Variants in RPTOR observed in about 807,000 individuals in gnomAD.
RPTOR encodes the protein regulatory-associated protein of mTOR.
RPTOR carries 21 observed loss-of-function variants against 169.9 expected under a neutral mutation model. That is an observed-to-expected ratio of 0.12 (90% CI 0.09 to 0.18). The LOEUF (loss-of-function observed/expected upper bound fraction) is 0.18, where lower values mean the gene tolerates loss of function less well. RPTOR is among the 10% of genes least tolerant of loss of function. The probability of loss-of-function intolerance (pLI) is 1.00; values close to 1 mark genes in which losing one functional copy is unlikely to be tolerated. For missense variants in RPTOR, 1,133 were observed against 1,855.9 expected (o/e 0.61, Z 7.16); for synonymous variants, 732 against 753.2 (o/e 0.97, Z 0.46).
intron 30 of RPTOR, 84 bp from the exon 31 acceptor site, chr17:80,961,310 C>A: frequency 7.5e-7 from 1 of 1,336,546 alleles, no homozygotes; most frequent in Admixed American, 2.2e-5. Flanking sequence ...CACAGGCAGA[C>A]CTGGGCAGCT....
chr17:80,586,863 GTGTGATAGC>G (rs61527629), intron 1 of RPTOR, among the ~76,000 whole-genome samples: 28,549 of 152,128 alleles, frequency 0.19, 2,945 homozygotes, highest in East Asian at 0.27. Flanking sequence ...TTTTTGCCAT[GTGTGATAGC>G]TGTTCCTGTT....
intron 11 of RPTOR, among the ~76,000 whole-genome samples, chr17:80,847,518 T>G (rs1479997456): frequency 6.6e-6 from 1 of 152,196 alleles, no homozygotes; most frequent in African/African-American, 2.4e-5. Flanking sequence ...GAAAAGTGTT[T>G]TTGTGATTGG....
intron 2 of RPTOR, among the ~76,000 whole-genome samples, chr17:80,639,410 C>T (rs1461660096): frequency 6.6e-6 from 1 of 152,040 alleles, no homozygotes; most frequent in Non-Finnish European, 1.5e-5. Context: ...ACAGAGGAAA[C>T]TGCACCTAAC....
chr17:80,555,837 T>C lies in RPTOR; in HGVS notation c.162+10046T>C, dbSNP rs74003973. On this transcript the variant is annotated intron_variant, in intron 1 of 33. Coordinates refer to ENST00000306801, the MANE Select transcript of RPTOR (RefSeq NM_020761.3). The stretch of plus-strand genomic sequence containing the variant: ...GGGAGTTGTTGTGCATAAATTTGTG[T>C]TTTGAAATACCTTATTGGCTATGGA... Among the ~76,000 whole-genome samples the C allele has an allele frequency of 8.8e-4, 134 of 152,110 alleles. 2 individuals are homozygous for C. Among genetic ancestry groups the C allele is most frequent in the African/African-American group, 3.0e-3 (124 of 41,488 alleles).
At chr17:80,645,873 G>T (rs2065591733) in intron 3 of RPTOR, among the ~76,000 whole-genome samples, 1 of 152,226 alleles carries the variant, frequency 6.6e-6, no homozygotes, top group African/African-American at 2.4e-5. Context: ...GCGAGCACAG[G>T]TGCAAAGGGG....
intron 3 of RPTOR, among the ~76,000 whole-genome samples, chr17:80,665,152 T>C (rs1035320151): frequency 6.6e-6 from 1 of 152,088 alleles, no homozygotes; most frequent in East Asian, 1.9e-4. Context: ...ACCTGCTGTC[T>C]CTGGTTTTTA....
chr17:80,745,488 A>C (rs542189787), intron 5 of RPTOR, among the ~76,000 whole-genome samples: 1 of 150,378 alleles, frequency 6.6e-6, no homozygotes, highest in Non-Finnish European at 1.5e-5. Flanking sequence ...AATATTTGAT[A>C]TACATAATTC....
intron 25 of RPTOR, among the ~76,000 whole-genome samples, chr17:80,942,272 C>T (rs1211004125): frequency 1.3e-5 from 2 of 151,624 alleles, no homozygotes; most frequent in African/African-American, 4.9e-5. Flanking sequence ...GGAGCTGAGT[C>T]TGCCTCACAC....
At chr17:80,788,535 C>T (rs528821678) in intron 6 of RPTOR, among the ~76,000 whole-genome samples, 1 of 152,146 alleles carries the variant, frequency 6.6e-6, no homozygotes, top group African/African-American at 2.4e-5. Context: ...AATAAAAACA[C>T]CGCTCCACTG....
At chr17:80,783,195 C>A (rs1032632545) in intron 6 of RPTOR, among the ~76,000 whole-genome samples, 1 of 152,210 alleles carries the variant, frequency 6.6e-6, no homozygotes, top group Non-Finnish European at 1.5e-5. Context: ...TAGAAGGTGG[C>A]TTCCTTAAAT....
chr17:80,634,313 C>T (rs796481887), intron 2 of RPTOR, among the ~76,000 whole-genome samples: 3,052 of 27,018 alleles, frequency 0.11, 25 homozygotes, highest in Non-Finnish European at 0.12. Context: ...GCGTACTGTG[C>T]GTGTGCGTAC....
intron 1 of RPTOR, among the ~76,000 whole-genome samples, chr17:80,555,649 T>A (rs980054991): frequency 3.9e-5 from 6 of 152,330 alleles, no homozygotes; most frequent in Admixed American, 3.3e-4. Flanking sequence ...CAGGTGAGAA[T>A]GACATTATTA....
At chr17:80,613,175 C>T (rs979424546) in intron 1 of RPTOR, among the ~76,000 whole-genome samples, 5 of 152,246 alleles carry the variant, frequency 3.3e-5, no homozygotes, top group Admixed American at 3.3e-4. Context: ...GCCTCTGCTC[C>T]TGGCAGCCTC....
intron 6 of RPTOR, among the ~76,000 whole-genome samples, chr17:80,769,076 C>CA (rs1332520254): frequency 3.3e-5 from 5 of 152,184 alleles, no homozygotes; most frequent in Non-Finnish European, 7.3e-5. Context: ...ACCGTGCTGT[C>CA]ACATAGACCT....
intron 3 of RPTOR, among the ~76,000 whole-genome samples, chr17:80,681,242 C>G (rs1042638360): frequency 6.6e-6 from 1 of 152,094 alleles, no homozygotes; most frequent in Non-Finnish European, 1.5e-5. Flanking sequence ...TTATTCAGAT[C>G]GATAACTCCT....
intron 20 of RPTOR, among the ~76,000 whole-genome samples, chr17:80,906,994 G>A (rs920680689): frequency 2.3e-4 from 35 of 152,316 alleles, no homozygotes; most frequent in Admixed American, 1.2e-3. Context: ...CTCGCTTAGC[G>A]GAGACCATAG....
chr17:80,557,476 C>T (rs977726128), intron 1 of RPTOR, among the ~76,000 whole-genome samples: 1 of 151,818 alleles, frequency 6.6e-6, no homozygotes, highest in African/African-American at 2.4e-5. Flanking sequence ...AAGATCATGC[C>T]ACTGCATTCC....
intron 24 of RPTOR, among the ~76,000 whole-genome samples, chr17:80,933,806 C>T (rs2068924988): frequency 6.6e-6 from 1 of 152,230 alleles, no homozygotes; most frequent in East Asian, 1.9e-4. Context: ...ATATACCTTC[C>T]GTCACTGCTT....
At chr17:80,786,216 CTAAAA>C (rs1426572059) in intron 6 of RPTOR, among the ~76,000 whole-genome samples, 2 of 152,206 alleles carry the variant, frequency 1.3e-5, no homozygotes, top group South Asian at 2.1e-4. Flanking sequence ...TGCTTTTATT[CTAAAA>C]TAAATCAGCA....
Sources: allele counts gnomAD v4.1 joint callset (sites outside exome capture counted in the v4.1 genomes callset), GRCh38; gene constraint gnomAD v4.1.1; transcripts MANE v1.5; gene names NCBI Gene and HGNC (gene_info 2026-07-23, HGNC 2026-07-21).